Variants in CDKAL1 observed in about 807,000 individuals in gnomAD.
CDKAL1 encodes the protein CDKAL1 threonylcarbamoyladenosine tRNA methylthiotransferase.
CDKAL1 carries 32 observed loss-of-function variants against 68.2 expected under a neutral mutation model. The observed-to-expected ratio is 0.47, with a 90% CI of 0.35 to 0.63. The LOEUF is 0.63. CDKAL1 is among the 30% of genes least tolerant of loss of function. The pLI is 0.00. For missense variants in CDKAL1, 606 were observed against 696.7 expected, an observed-to-expected ratio of 0.87 and a Z score of 1.47; for synonymous variants, 234 against 244.3, an observed-to-expected ratio of 0.96 and a Z score of 0.39.
intron 9 of CDKAL1, among the ~76,000 whole-genome samples, chr6:20,941,105 A>G (rs1370416271): frequency 6.6e-6 from 1 of 151,812 alleles, no homozygotes; most frequent in African/African-American, 2.4e-5. Context: ...AGAAAAAAAA[A>G]AAAAAGCACA....
At chr6:20,568,871 T>G (rs1764588208) in intron 4 of CDKAL1, among the ~76,000 whole-genome samples, 1 of 152,226 alleles carries the variant, frequency 6.6e-6, no homozygotes, top group African/African-American at 2.4e-5. Context: ...CACACTGCTG[T>G]GACCCAGATT....
intron 11 of CDKAL1, among the ~76,000 whole-genome samples, chr6:21,016,257 G>A (rs1768325782): frequency 6.6e-6 from 1 of 151,940 alleles, no homozygotes; most frequent in South Asian, 2.1e-4. Flanking sequence ...GGAAAGTGAA[G>A]CACAGAGAGC....
chr6:21,195,472 G>GT (rs199522083), intron 13 of CDKAL1, among the ~76,000 whole-genome samples: 4 of 135,734 alleles, frequency 2.9e-5, no homozygotes, highest in Admixed American at 7.6e-5. Context: ...CTCTGGAGAT[G>GT]TTTTTTTTAT....
intron 11 of CDKAL1, among the ~76,000 whole-genome samples, chr6:21,013,393 G>A (rs201295): frequency 0.75 from 114,618 of 151,920 alleles, 44,166 homozygotes; most frequent in Middle Eastern, 0.92. Context: ...GTACATTTAT[G>A]TGGGTACATA....
chr6:20,988,939 C>T (rs562330416), intron 10 of CDKAL1, among the ~76,000 whole-genome samples: 7 of 151,300 alleles, frequency 4.6e-5, no homozygotes, highest in Admixed American at 1.3e-4. Flanking sequence ...ATTACAGGTA[C>T]GAGCCACCGT....
intron 12 of CDKAL1, among the ~76,000 whole-genome samples, chr6:21,084,670 C>G (rs1772597598): frequency 2.6e-5 from 4 of 152,206 alleles, no homozygotes; most frequent in African/African-American, 9.6e-5. Flanking sequence ...AGTATTCCCT[C>G]TAACTATTTT....
chr6:21,079,486 CT>C (rs1345225668), intron 12 of CDKAL1, among the ~76,000 whole-genome samples: 1 of 152,208 alleles, frequency 6.6e-6, no homozygotes, highest in Non-Finnish European at 1.5e-5. Context: ...ACGTCTTCTT[CT>C]TTTGGACTAA....
chr6:21,111,743 T>C (rs1774129956), intron 13 of CDKAL1, among the ~76,000 whole-genome samples: 1 of 152,214 alleles, frequency 6.6e-6, no homozygotes. Context: ...CTAGAAGAAT[T>C]TCATTTTTGT....
chr6:21,087,147 C>T (rs1252819207), intron 12 of CDKAL1, among the ~76,000 whole-genome samples: 1 of 152,186 alleles, frequency 6.6e-6, no homozygotes, highest in Admixed American at 6.5e-5. Flanking sequence ...AAGCTTTGTG[C>T]CCCATACTCT....
At position 20,996,875 on chromosome 6, in the gene CDKAL1, A is replaced by G. The variant is rs189390448; in HGVS notation, c.910-3352A>G. Among the ~76,000 whole-genome samples the G allele has an allele frequency of 1.1e-3, 165 of 152,354 alleles. 1 individual carries two copies. In the Middle Eastern group the frequency reaches 0.014, roughly 13 times the overall value. On this transcript the variant is annotated intron_variant, in intron 10 of 15. Coordinates refer to ENST00000274695, the MANE Select transcript of CDKAL1 (RefSeq NM_017774.3). ...CTTATGTATATACCTATAGATTTACATATAATTATTCATTTGTTCCAGAAA... is the reference window on the plus strand; with the variant it reads ...CTTATGTATATACCTATAGATTTACGTATAATTATTCATTTGTTCCAGAAA...
At chr6:20,730,805 C>G (rs186314403) in intron 5 of CDKAL1, among the ~76,000 whole-genome samples, 4 of 144,486 alleles carry the variant, frequency 2.8e-5, no homozygotes, top group Non-Finnish European at 6.0e-5. Context: ...GATCACACCA[C>G]TGCACTCCAG....
At chr6:21,188,855 T>TTTG (rs1340249946) in intron 13 of CDKAL1, among the ~76,000 whole-genome samples, 1 of 152,162 alleles carries the variant, frequency 6.6e-6, no homozygotes, top group Non-Finnish European at 1.5e-5. Flanking sequence ...AGGCAATACC[T>TTTG]TTGAATGCTC....
chr6:20,806,221 GT>G (rs1320482625), intron 8 of CDKAL1, among the ~76,000 whole-genome samples: 1 of 152,130 alleles, frequency 6.6e-6, no homozygotes, highest in African/African-American at 2.4e-5. Flanking sequence ...CCTCTTATTA[GT>G]GAGAACCTGT....
chr6:20,661,802 A>C (rs1010598109), intron 5 of CDKAL1, among the ~76,000 whole-genome samples: 1 of 152,286 alleles, frequency 6.6e-6, no homozygotes, highest in Non-Finnish European at 1.5e-5. Flanking sequence ...TGTTTTTGCC[A>C]TTTTAAGCAA....
chr6:20,988,186 G>GTGTGTGTA (rs1431106849), intron 10 of CDKAL1, among the ~76,000 whole-genome samples: 6 of 142,524 alleles, frequency 4.2e-5, no homozygotes. Context: ...CATAATATGT[G>GTGTGTGTA]TGTGTGTGTG....
At chr6:20,893,229 CAGTT>C (rs1761503059) in intron 9 of CDKAL1, among the ~76,000 whole-genome samples, 1 of 152,272 alleles carries the variant, frequency 6.6e-6, no homozygotes, top group Non-Finnish European at 1.5e-5. Context: ...TGACTGGAGT[CAGTT>C]AGATAATCAT....
intron 10 of CDKAL1, among the ~76,000 whole-genome samples, chr6:20,998,387 G>A (rs1335353972): frequency 6.6e-6 from 1 of 152,072 alleles, no homozygotes; most frequent in Admixed American, 6.5e-5. Context: ...TGAGGCAGGC[G>A]GATCACCTGA....
At chr6:20,646,375 CTT>C (rs545910517) in intron 4 of CDKAL1, among the ~76,000 whole-genome samples, 7 of 141,516 alleles carry the variant, frequency 4.9e-5, no homozygotes, top group Admixed American at 7.1e-5. Flanking sequence ...TTTCTTCTTC[CTT>C]TTTTTTTTTT....
chr6:20,867,750 T>TTTACATTCATTTTA (rs1264611436), intron 9 of CDKAL1, among the ~76,000 whole-genome samples: 1 of 152,186 alleles, frequency 6.6e-6, no homozygotes, highest in Non-Finnish European at 1.5e-5. Context: ...TACATTTCAT[T>TTTACATTCATTTTA]CCTCTCCAAG....
Sources: allele counts gnomAD v4.1 joint callset (sites outside exome capture counted in the v4.1 genomes callset), GRCh38; gene constraint gnomAD v4.1.1; transcripts MANE v1.5; gene names NCBI Gene and HGNC (gene_info 2026-07-23, HGNC 2026-07-21).